Variants in ERC2 observed in about 807,000 individuals in gnomAD.
ERC2 encodes the protein ELKS/RAB6-interacting/CAST family member 2, also known as ERC protein 2.
Under a neutral mutation model 114.8 loss-of-function variants are expected in ERC2, and 42 were observed. The ratio of observed to expected loss-of-function variants is 0.37; its 90% CI spans 0.29 to 0.47. The LOEUF is 0.47. ERC2 is among the 20% of genes least tolerant of loss of function. ERC2 has a pLI of 0.99. For missense variants in ERC2, 939 were observed against 1,150.7 expected (o/e 0.82, Z 2.66); for synonymous variants, 454 against 425.5 (o/e 1.07, Z -0.82).
chr3:56,073,405 A>C (rs1307812852), intron 7 of ERC2, among the ~76,000 whole-genome samples: 2 of 152,150 alleles, frequency 1.3e-5, no homozygotes, highest in African/African-American at 4.8e-5. Flanking sequence ...AGATGCTTAG[A>C]GCATCCTCCC....
intron 7 of ERC2, among the ~76,000 whole-genome samples, chr3:56,029,160 C>T (rs2074229909): frequency 6.6e-6 from 1 of 151,882 alleles, no homozygotes; most frequent in Non-Finnish European, 1.5e-5. Context: ...TTGGTCATGC[C>T]ATATTATTCT....
At chr3:56,120,256 G>A (rs899193244) in intron 6 of ERC2, among the ~76,000 whole-genome samples, 33 of 152,234 alleles carry the variant, frequency 2.2e-4, no homozygotes, top group African/African-American at 6.3e-4. Flanking sequence ...ATTGGGCGCC[G>A]GCTCTCCAGT....
At chr3:56,213,069 G>A (rs1421003558) in intron 3 of ERC2, among the ~76,000 whole-genome samples, 2 of 152,112 alleles carry the variant, frequency 1.3e-5, no homozygotes, top group Admixed American at 1.3e-4. Context: ...CTACACATGA[G>A]CTACAGCTCC....
At chr3:55,595,882 G>A (rs527629188) in intron 17 of ERC2, among the ~76,000 whole-genome samples, 1 of 152,006 alleles carries the variant, frequency 6.6e-6, no homozygotes, top group East Asian at 1.9e-4. Context: ...GCAAATGAAA[G>A]TTGGAAATCC....
chr3:55,859,032 C>T (rs1483436099), intron 14 of ERC2, among the ~76,000 whole-genome samples: 1 of 152,178 alleles, frequency 6.6e-6, no homozygotes. Context: ...CATTTTGCAT[C>T]CAGCAATTCT....
At chr3:55,546,340 A>G (rs778958080) in intron 17 of ERC2, among the ~76,000 whole-genome samples, 2 of 152,026 alleles carry the variant, frequency 1.3e-5, no homozygotes, top group Non-Finnish European at 2.9e-5. Flanking sequence ...CTTTGTTTAA[A>G]TCATTTCCCA....
chr3:56,418,698 A>G (rs940724840), intron 2 of ERC2, among the ~76,000 whole-genome samples: 2 of 152,240 alleles, frequency 1.3e-5, no homozygotes, highest in Non-Finnish European at 2.9e-5. Context: ...ATTCTTACTT[A>G]CCAGGGGAAC....
intron 14 of ERC2, among the ~76,000 whole-genome samples, chr3:55,841,916 C>A (rs904699933): frequency 6.6e-6 from 1 of 152,016 alleles, no homozygotes; most frequent in Non-Finnish European, 1.5e-5. Flanking sequence ...AAACATCCTG[C>A]CAAAAACCTA....
chr3:56,191,036 A>G (rs1037079272), intron 3 of ERC2, among the ~76,000 whole-genome samples: 3 of 152,214 alleles, frequency 2.0e-5, no homozygotes, highest in Non-Finnish European at 4.4e-5. Flanking sequence ...GAATAGTCAC[A>G]AAGAGAGGTT....
chr3:56,277,003 T>C (rs926182664), intron 3 of ERC2, among the ~76,000 whole-genome samples: 7 of 152,324 alleles, frequency 4.6e-5, no homozygotes, highest in East Asian at 1.9e-4. Flanking sequence ...TTCCTACTTA[T>C]CTGTCGATGA....
intron 14 of ERC2, among the ~76,000 whole-genome samples, chr3:55,857,283 C>A (rs566252531): frequency 3.9e-4 from 59 of 152,252 alleles, no homozygotes; most frequent in Admixed American, 1.8e-3. Flanking sequence ...CTTGGATAAG[C>A]TGACAGTGAA....
In ERC2 at chr3:55,554,178, C is replaced by T. The variant is rs546924288; in HGVS notation, c.*40-42902G>A. On this transcript the variant is annotated intron_variant, in intron 17 of 17. Transcript: ENST00000288221. Reference sequence around the variant, plus strand: ...CTAGGGTGTAGACGACCTGGACTATCTTACCATCCATGAAGGCAAGCGCTT... The same window carrying T: ...CTAGGGTGTAGACGACCTGGACTATTTTACCATCCATGAAGGCAAGCGCTT... Among the ~76,000 whole-genome samples the T allele has an allele frequency of 4.6e-5, 7 of 152,312 alleles. No individual in the cohort carries two copies. The East Asian group carries it at 1.4e-3, about 29-fold the overall frequency.
intron 17 of ERC2, among the ~76,000 whole-genome samples, chr3:55,548,240 G>A (rs2054897655): frequency 6.6e-6 from 1 of 152,222 alleles, no homozygotes; most frequent in African/African-American, 2.4e-5. Context: ...CATGCCACAT[G>A]GGCAATGCCC....
At chr3:56,252,165 T>G (rs1303453558) in intron 3 of ERC2, among the ~76,000 whole-genome samples, 1 of 152,224 alleles carries the variant, frequency 6.6e-6, no homozygotes, top group Non-Finnish European at 1.5e-5. Context: ...CTATTAGGCT[T>G]GGACATCCTA....
chr3:55,720,140 T>TTCC (rs1559547006), intron 15 of ERC2, among the ~76,000 whole-genome samples: 215 of 1,278 alleles, frequency 0.17, 95 homozygotes, highest in Non-Finnish European at 0.27. Flanking sequence ...CCTCTTCTTC[T>TTCC]TCCTCTTCTT....
In ERC2 at chr3:56,434,605, C is replaced by T; in HGVS notation, c.403G>A (p.Val135Ile). The part of the protein sequence containing the change: ...TGSSHHHHHQ[V>I]PSMLRQVRDS... ...CTTACCTGCCTCAACATGGAGGGGA[C>T]CTGGTGGTGGTGATGATGGGATGAG... The change falls in exon 2 of 18, where the codon GTC becomes ATC. Residue 135 changes from valine (V) to isoleucine (I), a missense_variant. Val to Ile is a conservative substitution (Grantham distance 29, BLOSUM62 3). Around this residue, in one of 5 missense-constraint regions of ERC2, gnomAD observed 281 missense variants for 307.4 expected, o/e 0.91. Transcript: ENST00000288221. 1 of 1,613,876 alleles carries T rather than the reference C, an allele frequency of 6.2e-7. No homozygotes were observed. The highest frequency in any genetic ancestry group is 8.5e-7 in the Non-Finnish European group (1 of 1,179,886).
chr3:56,457,500 G>A (rs1034356905), intron 1 of ERC2, among the ~76,000 whole-genome samples: 2 of 152,144 alleles, frequency 1.3e-5, no homozygotes, highest in Non-Finnish European at 2.9e-5. Context: ...TCAAAAGTAG[G>A]TAATTATTGC....
intron 1 of ERC2, among the ~76,000 whole-genome samples, chr3:56,463,032 GC>G (rs1252147821): frequency 6.6e-6 from 1 of 152,106 alleles, no homozygotes; most frequent in African/African-American, 2.4e-5. Flanking sequence ...TTCAAGACCA[GC>G]CTGGGCAACA....
At position 56,035,194 on chromosome 3, in the gene ERC2, A is replaced by AT. The variant is rs149646142; in HGVS notation, c.1642-16164dup. 5.7e-3 allele frequency among the ~76,000 whole-genome samples: 863 copies of AT among 152,296 alleles called. 9 individuals are homozygous for AT. The highest frequency in any genetic ancestry group is 0.019 in the African/African-American group (798 of 41,578). Reference sequence around the variant, plus strand: ...TTATAAAAGATTATTACTATGAGCCATTTTACAAGCCAAAAAATTGGATAA... The same window carrying AT: ...TTATAAAAGATTATTACTATGAGCCATTTTTACAAGCCAAAAAATTGGATAA... On this transcript the variant is annotated intron_variant, in intron 7 of 17. Coordinates refer to ENST00000288221, the MANE Select transcript of ERC2 (RefSeq NM_015576.3).
Sources: allele counts gnomAD v4.1 joint callset (sites outside exome capture counted in the v4.1 genomes callset), GRCh38; gene constraint gnomAD v4.1.1; regional missense constraint gnomAD v4.1.1; transcripts MANE v1.5; gene names NCBI Gene and HGNC (gene_info 2026-07-23, HGNC 2026-07-21).